Variants in PARP4 observed in about 807,000 individuals in gnomAD.
PARP4 encodes the protein poly(ADP-ribose) polymerase family member 4.
A neutral mutation model predicts 187.7 loss-of-function variants in PARP4; 120 were observed. The ratio of observed to expected loss-of-function variants is 0.64; its 90% CI spans 0.55 to 0.74. The LOEUF is 0.74. Among genes scored for constraint, PARP4 ranks in the 30% least tolerant of loss-of-function variants. PARP4 has a pLI of 0.00. For synonymous variants in PARP4, 654 were observed against 740.9 expected, an observed-to-expected ratio of 0.88 and a Z score of 1.90; for missense variants, 1,836 against 2,070.5, an observed-to-expected ratio of 0.89 and a Z score of 2.20.
At position 24,500,709 on chromosome 13, in the gene PARP4, G is replaced by A. The variant is rs1478880781; in HGVS notation, c.335-327C>T. ...GGATCAGAATGAGTTCCTGAGAGTCGGCACATCACGAGCGAAGGAGCTGGA... is the reference window on the plus strand; with the variant it reads ...GGATCAGAATGAGTTCCTGAGAGTCAGCACATCACGAGCGAAGGAGCTGGA... On this transcript the variant is annotated intron_variant, in intron 3 of 33. Coordinates refer to ENST00000381989, the MANE Select transcript of PARP4 (RefSeq NM_006437.4). Among the ~76,000 whole-genome samples, 7 of 152,116 alleles carry A rather than the reference G, an allele frequency of 4.6e-5. 1 individual carries two copies. The highest frequency in any genetic ancestry group is 4.1e-4 in the South Asian group (2 of 4,822).
chr13:24,507,386 CAATT>C (rs1221090600), intron 1 of PARP4, among the ~76,000 whole-genome samples: 4 of 152,206 alleles, frequency 2.6e-5, no homozygotes, highest in South Asian at 2.1e-4. Flanking sequence ...CCTGGGCTCT[CAATT>C]GAGGACACAG....
At chr13:24,466,350 T>A (rs9553308) in intron 17 of PARP4, among the ~76,000 whole-genome samples, 77,316 of 151,814 alleles carry the variant, frequency 0.51, 20,005 homozygotes, top group South Asian at 0.65. Context: ...CCCAGCTAAT[T>A]TTTGTATTTT....
At chr13:24,470,150 A>T in intron 15 of PARP4, 125 bp from the exon 16 acceptor site, 1 of 846,538 alleles carries the variant, frequency 1.2e-6, no homozygotes, top group South Asian at 1.8e-5. Flanking sequence ...CACGTCCCTC[A>T]AATTCCCAAC....
At chr13:24,439,847 C>G (rs1386785551) in intron 30 of PARP4, among the ~76,000 whole-genome samples, 1 of 152,190 alleles carries the variant, frequency 6.6e-6, no homozygotes, top group Non-Finnish European at 1.5e-5. Flanking sequence ...GTCACAGCCC[C>G]TCAGCTTAGC....
intron 18 of PARP4, chr13:24,459,552 C>CACAA (rs1158026834): frequency 3.6e-5 from 15 of 418,812 alleles, no homozygotes; most frequent in Non-Finnish European, 6.4e-5. Flanking sequence ...CACACGCACA[C>CACAA]ACACACACAC....
intron 22 of PARP4, among the ~76,000 whole-genome samples, chr13:24,454,208 T>A (rs1298742124): frequency 2.0e-5 from 3 of 152,204 alleles, no homozygotes; most frequent in African/African-American, 7.2e-5. Flanking sequence ...CATGTGCACA[T>A]GCAGATCACT....
At position 24,429,978 on chromosome 13, in the gene PARP4, C is replaced by T. The variant is rs538080395; in HGVS notation, c.4846+1399G>A. Among the ~76,000 whole-genome samples, 109 of 152,308 alleles carry T rather than the reference C, an allele frequency of 7.2e-4. 2 individuals are homozygous for T. The South Asian group carries it at 7.3e-3, about 10-fold the overall frequency. On this transcript the variant is annotated intron_variant, in intron 32 of 33. Coordinates refer to ENST00000381989, the MANE Select transcript of PARP4 (RefSeq NM_006437.4). ...ATGCCTTTAGGTGACAAGCTGGATA[C>T]GTGTGGAGCCCACCTAGTTGGCTTT...
At chr13:24,500,792 C>A (rs554661443) in intron 3 of PARP4, among the ~76,000 whole-genome samples, 1 of 152,206 alleles carries the variant, frequency 6.6e-6, no homozygotes, top group African/African-American at 2.4e-5. Context: ...TTGCTTCATA[C>A]TTTCTGTACA....
At chr13:24,437,294 A>C (rs1053539738) in intron 30 of PARP4, among the ~76,000 whole-genome samples, 34 of 152,178 alleles carry the variant, frequency 2.2e-4, no homozygotes, top group African/African-American at 8.0e-4. Flanking sequence ...TAAAAGTATA[A>C]TCTCTGACTA....
Position 24,434,718 on chromosome 13 carries a change from G to A in PARP4, c.4423C>T (p.Leu1475Phe), listed in dbSNP as rs1318537677. Residue 1475 changes from leucine to phenylalanine, a missense_variant, in exon 31 of 34, where the codon CTT (leucine) becomes TTT (phenylalanine). Physicochemically the swap from Leu to Phe is conservative, Grantham distance 22. Around this residue, in one of 8 missense-constraint regions of PARP4, gnomAD observed 450 missense variants for 439.2 expected, o/e 1.02. Transcript: ENST00000381989. ...AAAGCAGAGGCCATTGGCAGCCTAAGGTTGGCAGTCAAAGAGGCTGCGGAA... is the reference window on the plus strand; with the variant it reads ...AAAGCAGAGGCCATTGGCAGCCTAAAGTTGGCAGTCAAAGAGGCTGCGGAA... ...QPSAASLTAN[L>F]RLPMASALPE... 1 of 1,613,974 alleles carries A rather than the reference G, an allele frequency of 6.2e-7. No homozygotes were observed. Among genetic ancestry groups the A allele is most frequent in the Non-Finnish European group, 8.5e-7 (1 of 1,180,016 alleles).
At chr13:24,449,666 G>T in intron 25 of PARP4, 52 bp downstream of exon 25, 2 of 1,015,424 alleles carry the variant, frequency 2.0e-6, no homozygotes, top group South Asian at 1.3e-5. Context: ...AGTCTCGGAA[G>T]AATAAGAGAT....
intron 33 of PARP4, among the ~76,000 whole-genome samples, chr13:24,424,359 CT>C (rs559155728): frequency 6.6e-6 from 1 of 151,776 alleles, no homozygotes; most frequent in African/African-American, 2.4e-5. Context: ...GCTCCTCAAC[CT>C]TTTTTTTCTA....
intron 17 of PARP4, among the ~76,000 whole-genome samples, chr13:24,461,535 G>C (rs1462091372): frequency 6.6e-6 from 1 of 152,200 alleles, no homozygotes. Context: ...CCTCCCGGCT[G>C]AGAGTGGGTA....
In PARP4 at chr13:24,455,208, C is replaced by A. The variant is rs1194533708; in HGVS notation, c.2567G>T (p.Cys856Phe). 2 of 1,586,026 alleles carry A rather than the reference C, an allele frequency of 1.3e-6. 1 individual carries two copies. Among genetic ancestry groups the A allele is most frequent in the South Asian group, 2.2e-5 (2 of 89,244 alleles). The change falls in exon 22 of 34, where the codon TGC (cysteine) becomes TTC (phenylalanine). Residue 856 changes from cysteine to phenylalanine, a missense_variant. Physicochemically the swap from Cys to Phe is radical, Grantham distance 205. Around this residue, in one of 8 missense-constraint regions of PARP4, gnomAD observed 1,147 missense variants for 1,214.2 expected, o/e 0.94. Coordinates refer to ENST00000381989, the MANE Select transcript of PARP4 (RefSeq NM_006437.4). ...EKHPEKESEA[C>F]MLVFQPDLDV... The stretch of plus-strand genomic sequence containing the variant: ...GAGATCGGGTTGAAAGACAAGCATG[C>A]AAGCCTGAAAGGAGAAAGAAGGTGC...
chr13:24,506,231 G>T (rs946226159), intron 1 of PARP4, among the ~76,000 whole-genome samples: 1 of 151,872 alleles, frequency 6.6e-6, no homozygotes, highest in Non-Finnish European at 1.5e-5. Flanking sequence ...GGCGCATCCA[G>T]AGTTTGTCCG....
chr13:24,465,361 C>T (rs1206873894), intron 17 of PARP4, among the ~76,000 whole-genome samples: 1 of 152,110 alleles, frequency 6.6e-6, no homozygotes, highest in African/African-American at 2.4e-5. Context: ...CAGCACTATT[C>T]ACAATAGCAA....
intron 27 of PARP4, 74 bp from the exon 28 acceptor site, chr13:24,443,804 A>T (rs1277376682): frequency 9.7e-7 from 1 of 1,029,246 alleles, no homozygotes; most frequent in Non-Finnish European, 1.5e-6. Context: ...ACATCATTTT[A>T]AAAATGGAGG....
At chr13:24,469,131 A>C in intron 16 of PARP4, 21 bp from the exon 17 acceptor site, 1 of 1,488,744 alleles carries the variant, frequency 6.7e-7, no homozygotes, top group Non-Finnish European at 9.4e-7. Flanking sequence ...TGAGTTTTAA[A>C]TCATTCCTTA....
At chr13:24,489,384 C>A (rs1172596572) in intron 10 of PARP4, among the ~76,000 whole-genome samples, 1 of 152,038 alleles carries the variant, frequency 6.6e-6, no homozygotes, top group East Asian at 1.9e-4. Context: ...CCGAGGCTGG[C>A]AGATCACAAG....
Sources: gnomAD v4.1 joint callset for allele counts (sites outside exome capture counted in the v4.1 genomes callset) on GRCh38, gnomAD v4.1.1 for gene constraint, gnomAD v4.1.1 regional missense constraint, MANE v1.5 for transcripts, NCBI Gene and HGNC (gene_info 2026-07-23, HGNC 2026-07-21) for gene names.